The following CAPN5 variants were observed in gnomAD, a reference collection of about 807,000 sequenced individuals.
The protein encoded by CAPN5 is calpain 5, also known as calpain-5.
In CAPN5, 54 loss-of-function variants were observed where a neutral mutation model predicts 73.0. That is an observed-to-expected ratio of 0.74 (90% CI 0.59 to 0.93). The LOEUF (loss-of-function observed/expected upper bound fraction) is 0.93. CAPN5 is among the 40% of genes least tolerant of loss of function. The probability of loss-of-function intolerance (pLI) is 0.00; values close to 1 mark genes in which losing one functional copy is unlikely to be tolerated. For missense variants in CAPN5, 785 were observed against 882.9 expected, an observed-to-expected ratio of 0.89 and a Z score of 1.41; for synonymous variants, 335 against 356.9, an observed-to-expected ratio of 0.94 and a Z score of 0.69.
rs192046744 is a variant in CAPN5 at position 77,083,823 on chromosome 11, T to A, written c.-35-1029T>A. Among the ~76,000 whole-genome samples the A allele has an allele frequency of 1.8e-4, 27 of 151,768 alleles. No homozygotes were observed. In the East Asian group the frequency reaches 4.9e-3, roughly 27 times the overall value. The stretch of plus-strand genomic sequence containing the variant: ...AGTTCAACGTCACCCAGCAGGAGGG[T>A]GGTACCACTGGGGCTGGCACTCACA... On this transcript the variant is annotated intron_variant, in intron 1 of 12. Transcript: ENST00000648180.
At chr11:77,074,681 G>A (rs1949949279) in intron 1 of CAPN5, among the ~76,000 whole-genome samples, 1 of 152,222 alleles carries the variant, frequency 6.6e-6, no homozygotes, top group African/African-American at 2.4e-5. Flanking sequence ...AAGAGGTTGA[G>A]GAAGGGAGGT....
At chr11:77,074,653 C>T (rs1949948976) in intron 1 of CAPN5, among the ~76,000 whole-genome samples, 1 of 152,184 alleles carries the variant, frequency 6.6e-6, no homozygotes, top group African/African-American at 2.4e-5. Context: ...TGGGGGGTGT[C>T]TTCCCTTAAG....
chr11:77,068,542 C>A (rs533435206), intron 1 of CAPN5, among the ~76,000 whole-genome samples: 1 of 152,226 alleles, frequency 6.6e-6, no homozygotes, highest in South Asian at 2.1e-4. Context: ...AAAGGCCTGG[C>A]AGTGTGAAAA....
chr11:77,070,314 G>A (rs1489013107), intron 1 of CAPN5, among the ~76,000 whole-genome samples: 1 of 152,220 alleles, frequency 6.6e-6, no homozygotes, highest in African/African-American at 2.4e-5. Flanking sequence ...TCACTGTCAG[G>A]ATGTGCCCCC....
At chr11:77,084,093 G>A (rs545760742) in intron 1 of CAPN5, among the ~76,000 whole-genome samples, 2 of 152,288 alleles carry the variant, frequency 1.3e-5, no homozygotes, top group East Asian at 1.9e-4. Context: ...ATCTCTCAGC[G>A]CACCTGATAT....
Position 77,123,773 on chromosome 11 carries a change from C to A in CAPN5, c.1826C>A (p.Thr609Asn), listed in dbSNP as rs781953780. Residue 609 changes from threonine to asparagine, a missense_variant, in exon 13 of 13, where the codon ACC (threonine) becomes AAC (asparagine). By Grantham distance (65) the Thr-to-Asn change is moderately conservative (BLOSUM62 0). Coordinates refer to ENST00000648180, the MANE Select transcript of CAPN5 (RefSeq NM_004055.5). ...CCGGACAACCTCCAGGCCCTGCATACCCTCCACCTCCGGGACCGAAATAGC... is the reference window on the plus strand; with the variant it reads ...CCGGACAACCTCCAGGCCCTGCATAACCTCCACCTCCGGGACCGAAATAGC... ...ADPDNLQALH[T>N]LHLRDRNSRQ... The A allele has an allele frequency of 1.2e-6, 2 of 1,613,956 alleles. No homozygotes were observed. The highest frequency in any genetic ancestry group is 2.2e-5 in the East Asian group (1 of 44,884).
chr11:77,090,092 G>A (rs1472428612), intron 2 of CAPN5, among the ~76,000 whole-genome samples: 1 of 152,152 alleles, frequency 6.6e-6, no homozygotes, highest in Non-Finnish European at 1.5e-5. Flanking sequence ...CACATAGCAG[G>A]TGCCCAGTCA....
At chr11:77,068,633 T>C (rs1191946654) in intron 1 of CAPN5, among the ~76,000 whole-genome samples, 1 of 152,076 alleles carries the variant, frequency 6.6e-6, no homozygotes, top group African/African-American at 2.4e-5. Flanking sequence ...CAGTAGTGGG[T>C]GGGCTTCCAC....
At chr11:77,114,933 C>A (rs1349420189) in intron 5 of CAPN5, among the ~76,000 whole-genome samples, 1 of 152,136 alleles carries the variant, frequency 6.6e-6, no homozygotes, top group Non-Finnish European at 1.5e-5. Flanking sequence ...CATGGTGGCA[C>A]ATGCCTGTAA....
rs573462712 is a variant in CAPN5 at position 77,084,079 on chromosome 11, G to C, written c.-35-773G>C. 3.9e-5 allele frequency among the ~76,000 whole-genome samples: 6 copies of C among 152,322 alleles called. No homozygotes were observed. The East Asian group carries it at 7.7e-4, about 20-fold the overall frequency. ...TGGTCACTCAGGTGCTTGGCCGTCC[G>C]AGCATCTCTCAGCGCACCTGATATG... On this transcript the variant is annotated intron_variant, in intron 1 of 12. Coordinates refer to ENST00000648180, the MANE Select transcript of CAPN5 (RefSeq NM_004055.5).
Position 77,115,565 on chromosome 11 carries a change from G to T in CAPN5, c.870G>T (p.Glu290Asp), listed in dbSNP as rs990704768. 1 of 1,611,942 alleles carries T rather than the reference G, an allele frequency of 6.2e-7. No individual in the cohort carries two copies. Among genetic ancestry groups the T allele is most frequent in the African/African-American group, 1.3e-5 (1 of 74,910 alleles). The change falls in exon 6 of 13, where the codon GAG becomes GAT. Residue 290 changes from glutamate (E) to aspartate (D), a missense_variant. Transcript: ENST00000648180. ...TGCGCAACCCCTGGGGCGAGCGGGA[G>T]TGGAACGGGCCCTGGAGTGACACGT... Reference protein sequence around the residue: ...IRLRNPWGEREWNGPWSDTSE... With the variant: ...IRLRNPWGERDWNGPWSDTSE...
chr11:77,103,323 C>G (rs1555039316), intron 3 of CAPN5: 11 of 1,605,942 alleles, frequency 6.8e-6, no homozygotes, highest in Non-Finnish European at 9.4e-6. Flanking sequence ...GGTTTTTAAC[C>G]AGCTCTGACA....
chr11:77,067,333 CT>C (rs71043541), intron 1 of CAPN5, among the ~76,000 whole-genome samples: 10 of 148,026 alleles, frequency 6.8e-5, no homozygotes, highest in Admixed American at 4.7e-4. Context: ...GGCGAGGAGT[CT>C]TTTTTTCACC....
chr11:77,072,985 T>C, intron 1 of CAPN5: 1 of 824,184 alleles, frequency 1.2e-6, no homozygotes, highest in Non-Finnish European at 1.7e-6. Flanking sequence ...AGTCCCATTT[T>C]GTTAGGTTGT....
chr11:77,098,397 C>T lies in CAPN5; in HGVS notation c.297+4584C>T, dbSNP rs563917471. On this transcript the variant is annotated intron_variant, in intron 3 of 12. Coordinates refer to ENST00000648180, the MANE Select transcript of CAPN5 (RefSeq NM_004055.5). ...GGGGCTGACCCCCCCACCTCCCTCCCGGACCGGGCGGCTGGCCGGGCAGAG... is the reference window on the plus strand; with the variant it reads ...GGGGCTGACCCCCCCACCTCCCTCCTGGACCGGGCGGCTGGCCGGGCAGAG... Among the ~76,000 whole-genome samples the T allele has an allele frequency of 6.0e-3, 677 of 112,212 alleles. 2 individuals carry two copies. The highest frequency in any genetic ancestry group is 0.023 in the African/African-American group (630 of 27,072). The allele number at this position is 112,212 out of a possible 152,430, so 73.6% of individuals were successfully genotyped here. A position where few individuals can be genotyped will look rare whatever the true frequency, so the allele number is the denominator to read the frequency against.
At chr11:77,114,570 G>A (rs1278407983) in intron 5 of CAPN5, 136 bp downstream of exon 5, 1 of 808,942 alleles carries the variant, frequency 1.2e-6, no homozygotes, top group Non-Finnish European at 2.1e-6. Flanking sequence ...GAGGGGAGAA[G>A]TTGGAAGGTG....
chr11:77,121,635 G>T (rs185441037), intron 10 of CAPN5, among the ~76,000 whole-genome samples: 3 of 152,356 alleles, frequency 2.0e-5, no homozygotes, highest in Admixed American at 2.0e-4. Flanking sequence ...CCTTTGCGGG[G>T]CTTTGCAGGG....
At chr11:77,073,388 G>A (rs1361554792) in intron 1 of CAPN5, among the ~76,000 whole-genome samples, 1 of 152,018 alleles carries the variant, frequency 6.6e-6, no homozygotes, top group Non-Finnish European at 1.5e-5. Flanking sequence ...TACAGATGCT[G>A]CTTACAACAG....
At chr11:77,071,404 T>A (rs1196534941) in intron 1 of CAPN5, among the ~76,000 whole-genome samples, 4 of 152,022 alleles carry the variant, frequency 2.6e-5, no homozygotes, top group African/African-American at 9.7e-5. Context: ...CAGGGTGGAG[T>A]GCAGCTCATT....
Sources: allele counts gnomAD v4.1 joint callset (sites outside exome capture counted in the v4.1 genomes callset), GRCh38; gene constraint gnomAD v4.1.1; transcripts MANE v1.5; gene names NCBI Gene and HGNC (gene_info 2026-07-23, HGNC 2026-07-21).